The following DLEC1 variants were observed in gnomAD, a reference collection of about 807,000 sequenced individuals.
DLEC1 encodes the protein DLEC1 cilia and flagella associated protein.
In DLEC1, 146 loss-of-function variants were observed where a neutral mutation model predicts 198.1. The ratio of observed to expected loss-of-function variants is 0.74; its 90% CI spans 0.64 to 0.85. The LOEUF (loss-of-function observed/expected upper bound fraction) is 0.85, where lower values mean the gene tolerates loss of function less well. Among genes scored for constraint, DLEC1 ranks in the 40% least tolerant of loss-of-function variants. The probability of loss-of-function intolerance (pLI) is 0.00; values close to 1 mark genes in which losing one functional copy is unlikely to be tolerated. For missense variants in DLEC1, 2,233 were observed against 2,220.0 expected, an observed-to-expected ratio of 1.01 and a Z score of -0.12; for synonymous variants, 897 against 866.8, an observed-to-expected ratio of 1.03 and a Z score of -0.61.
intron 2 of DLEC1, among the ~76,000 whole-genome samples, chr3:38,055,171 G>C (rs2125596669): frequency 6.6e-6 from 1 of 152,338 alleles, no homozygotes; most frequent in South Asian, 2.1e-4. Context: ...AACATAAGAA[G>C]TGTGGAGGTC....
At chr3:38,111,894 C>T (rs1559458985) in intron 24 of DLEC1, 147 bp downstream of exon 24, 1 of 933,050 alleles carries the variant, frequency 1.1e-6, no homozygotes, top group East Asian at 2.7e-5. Context: ...GACAATGCCT[C>T]TTCCTGTTGA....
chr3:38,117,960 A>C lies in DLEC1; in HGVS notation c.4640A>C (p.Glu1547Ala), dbSNP rs1286548935. The change falls in exon 33 of 37, where the codon GAG becomes GCG. Residue 1547 changes from glutamate (E) to alanine (A), a missense_variant. Coordinates refer to ENST00000308059, the MANE Select transcript of DLEC1 (RefSeq NM_007335.4). The stretch of plus-strand genomic sequence containing the variant: ...GCTCCTGGCCCTGGCCAGAAGCAGG[A>C]GTGTGAGGAGGAGACAGCCTCAGCG... ...HRAPGPGQKQ[E>A]CEEETASADK... 9 of 1,613,868 alleles carry C rather than the reference A, an allele frequency of 5.6e-6. No homozygotes were observed. Among genetic ancestry groups the C allele is most frequent in the Non-Finnish European group, 7.6e-6 (9 of 1,179,934 alleles).
chr3:38,101,566 T>G (rs560213388), intron 19 of DLEC1, among the ~76,000 whole-genome samples: 1 of 152,324 alleles, frequency 6.6e-6, no homozygotes, highest in South Asian at 2.1e-4. Context: ...ATTTGGTGTT[T>G]CATTGTAAAA....
chr3:38,072,147 T>C (rs991007133), intron 6 of DLEC1, among the ~76,000 whole-genome samples: 1 of 152,120 alleles, frequency 6.6e-6, no homozygotes, highest in Non-Finnish European at 1.5e-5. Context: ...AGGTGTGGTA[T>C]CTGGAATAAT....
intron 1 of DLEC1, among the ~76,000 whole-genome samples, chr3:38,042,906 C>T (rs549016328): frequency 6.6e-6 from 1 of 152,220 alleles, no homozygotes; most frequent in Admixed American, 6.5e-5. Flanking sequence ...TTTTCGTCAT[C>T]TGTTCTTTGC....
intron 2 of DLEC1, among the ~76,000 whole-genome samples, chr3:38,054,209 CA>C (rs748094558): frequency 0.17 from 17,882 of 103,690 alleles, 1,456 homozygotes; most frequent in East Asian, 0.36. Context: ...AAAAAAAAAA[CA>C]AAACAAAAAA....
chr3:38,048,389 G>C (rs1323383364), intron 2 of DLEC1, among the ~76,000 whole-genome samples: 1 of 152,224 alleles, frequency 6.6e-6, no homozygotes, highest in African/African-American at 2.4e-5. Context: ...TAGGAGACCT[G>C]TTATATCTAT....
intron 9 of DLEC1, among the ~76,000 whole-genome samples, chr3:38,087,197 G>T (rs1698503736): frequency 6.6e-6 from 1 of 152,194 alleles, no homozygotes; most frequent in Non-Finnish European, 1.5e-5. Flanking sequence ...CTGGGGGCAG[G>T]CCCTGTGTAC....
chr3:38,058,610 T>C (rs1696509418), intron 2 of DLEC1, among the ~76,000 whole-genome samples: 1 of 152,202 alleles, frequency 6.6e-6, no homozygotes, highest in Non-Finnish European at 1.5e-5. Context: ...AAAAATCAAA[T>C]AGTTTAGAAG....
intron 6 of DLEC1, among the ~76,000 whole-genome samples, chr3:38,077,217 T>C (rs1697674619): frequency 6.6e-6 from 1 of 152,180 alleles, no homozygotes; most frequent in African/African-American, 2.4e-5. Flanking sequence ...AGAAACAGTG[T>C]AAACCGGCAG....
At chr3:38,067,176 G>A (rs1292511866) in intron 6 of DLEC1, among the ~76,000 whole-genome samples, 1 of 152,166 alleles carries the variant, frequency 6.6e-6, no homozygotes, top group Non-Finnish European at 1.5e-5. Context: ...TCCCTTTGAT[G>A]TTCATAACAG....
intron 19 of DLEC1, 110 bp downstream of exon 19, chr3:38,100,535 C>T: frequency 7.5e-7 from 1 of 1,335,690 alleles, no homozygotes; most frequent in Non-Finnish European, 9.7e-7. Context: ...CTATTGAATC[C>T]AGAAAATTAG....
At chr3:38,049,684 GAC>G (rs1701024618) in intron 2 of DLEC1, among the ~76,000 whole-genome samples, 1 of 152,210 alleles carries the variant, frequency 6.6e-6, no homozygotes, top group Non-Finnish European at 1.5e-5. Context: ...AGCTCCTGCA[GAC>G]ACAGCACCTA....
At chr3:38,105,209 A>G (rs1433003186) in intron 19 of DLEC1, among the ~76,000 whole-genome samples, 2 of 152,184 alleles carry the variant, frequency 1.3e-5, no homozygotes, top group Non-Finnish European at 2.9e-5. Flanking sequence ...TTTATGGGCT[A>G]TTCTGGAGAA....
rs369760574 is a variant in DLEC1, at chr3:38,093,720, A to G, written c.1872A>G (p.Glu624=). ...AGCACTTCATACGATTTGAGCCTGA[A>G]AACCTTCGGTCCACGGCTAGGAAGC... ...TAQHFIRFEP[E]NLRSTARKQL... Residue 624 remains glutamate, a synonymous_variant, in exon 12 of 37, where the codon GAA becomes GAG. Coordinates refer to ENST00000308059, the MANE Select transcript of DLEC1 (RefSeq NM_007335.4). The G allele has an allele frequency of 6.2e-7, 1 of 1,614,212 alleles. No individual in the cohort carries two copies.
chr3:38,085,476 T>C, intron 8 of DLEC1, 29 bp downstream of exon 8: 3 of 1,611,252 alleles, frequency 1.9e-6, no homozygotes, highest in Non-Finnish European at 2.5e-6. Context: ...TTCCCACAGA[T>C]TCAGTTAAGG....
At chr3:38,108,794 G>A (rs1699707176) in intron 21 of DLEC1, among the ~76,000 whole-genome samples, 1 of 152,236 alleles carries the variant, frequency 6.6e-6, no homozygotes, top group Non-Finnish European at 1.5e-5. Flanking sequence ...GCCATTCTCT[G>A]TGGCCGCAGG....
chr3:38,069,243 A>T (rs1311836240), intron 6 of DLEC1, among the ~76,000 whole-genome samples: 2 of 152,126 alleles, frequency 1.3e-5, no homozygotes, highest in Non-Finnish European at 2.9e-5. Flanking sequence ...ATTTAAAAAA[A>T]CCCAAAACTT....
At chr3:38,074,909 C>T (rs1349044994) in intron 6 of DLEC1, among the ~76,000 whole-genome samples, 1 of 152,186 alleles carries the variant, frequency 6.6e-6, no homozygotes, top group Non-Finnish European at 1.5e-5. Context: ...TACATGTACC[C>T]TGACTATGCC....
Sources: allele counts gnomAD v4.1 joint callset (sites outside exome capture counted in the v4.1 genomes callset), GRCh38; gene constraint gnomAD v4.1.1; transcripts MANE v1.5; gene names NCBI Gene and HGNC (gene_info 2026-07-23, HGNC 2026-07-21).